The following ZNF415 variants were observed in gnomAD, a reference collection of about 807,000 sequenced individuals.
ZNF415 encodes zinc finger protein 415.
ZNF415 carries 5 observed loss-of-function variants against 7.3 expected under a neutral mutation model. The ratio of observed to expected loss-of-function variants is 0.69; its 90% CI spans 0.36 to 1.44. The LOEUF (loss-of-function observed/expected upper bound fraction) is 1.44, where lower values mean the gene tolerates loss of function less well. Ranked by LOEUF, ZNF415 falls within the 40% of genes most tolerant of loss-of-function variation. The pLI is 0.04. For missense variants in ZNF415, 628 were observed against 664.8 expected, an observed-to-expected ratio of 0.94 and a Z score of 0.61; for synonymous variants, 207 against 226.3, an observed-to-expected ratio of 0.91 and a Z score of 0.77.
rs1341369443 is a variant in ZNF415 at position 53,116,363 on chromosome 19, G to C, written c.86C>G (p.Thr29Ser). Residue 29 changes from threonine to serine, a missense_variant, in exon 3 of 4, where the codon ACT becomes AGT. Transcript: ENST00000243643. ...CTCCAACATCACATCCCTGTATAAA[G>C]TCCTCTGTGTAGAGTTCAGGCATTT... ...EWKCLNSTQR[T>S]LYRDVMLENY... The C allele has an allele frequency of 6.2e-7, 1 of 1,613,668 alleles. No homozygotes were observed. The highest frequency in any genetic ancestry group is 1.6e-4 in the Middle Eastern group (1 of 6,062).
Position 53,122,756 on chromosome 19 carries a change from A to C in ZNF415, c.-67-13T>G. The C allele has an allele frequency of 6.3e-7, 1 of 1,592,630 alleles. No homozygotes were observed. Among genetic ancestry groups the C allele is most frequent in the Non-Finnish European group, 8.6e-7 (1 of 1,161,598 alleles). On this transcript the variant is annotated splice_polypyrimidine_tract_variant and intron_variant, in intron 1 of 3. Coordinates refer to ENST00000243643, the MANE Select transcript of ZNF415 (RefSeq NM_018355.4). ...TTGGAAGTCAATGCTGAATAACAAC[A>C]ACAAGTGCTGTTTATTGCTTAGAAA... is the stretch of plus-strand genomic sequence containing the variant.
Position 53,109,928 on chromosome 19 carries a change from T to C in ZNF415, c.137-20A>G, listed in dbSNP as rs1207274500. 1 of 1,527,614 alleles carries C rather than the reference T, an allele frequency of 6.5e-7. No homozygotes were observed. The highest frequency in any genetic ancestry group is 8.8e-7 in the Non-Finnish European group (1 of 1,141,442). 94.6% of individuals were successfully genotyped at this position (1,527,614 alleles called of 1,614,324 possible). On this transcript the variant is annotated intron_variant, in intron 3 of 3. Coordinates refer to ENST00000243643, the MANE Select transcript of ZNF415 (RefSeq NM_018355.4). ...ACAGATCTATAAGAAATGAAAACCA[T>C]AGGTTTCCAATTAATTAGAGACAGT...
Position 53,122,749 on chromosome 19 carries a change from TAAC to T in ZNF415, c.-67-9_-67-7del, listed in dbSNP as rs539864313. 1.6e-4 allele frequency: 264 copies of T among 1,602,780 alleles called. No individual in the cohort carries two copies. In the East Asian group the frequency reaches 3.3e-3, roughly 20 times the overall value. On this transcript the variant is annotated splice_region_variant and splice_polypyrimidine_tract_variant and intron_variant, in intron 1 of 3. Coordinates refer to ENST00000243643, the MANE Select transcript of ZNF415 (RefSeq NM_018355.4). Reference sequence around the variant, plus strand: ...GGAGTCTTTGGAAGTCAATGCTGAATAACAACAACAAGTGCTGTTTATTGCTTA... The same window carrying T: ...GGAGTCTTTGGAAGTCAATGCTGAATAACAACAAGTGCTGTTTATTGCTTA...
At chr19:53,114,452 G>A (rs1429045294) in intron 3 of ZNF415, among the ~76,000 whole-genome samples, 1 of 152,186 alleles carries the variant, frequency 6.6e-6, no homozygotes, top group Non-Finnish European at 1.5e-5. Flanking sequence ...ACAGGCGTGA[G>A]CCACCGCACC....
intron 2 of ZNF415, among the ~76,000 whole-genome samples, chr19:53,121,586 C>A (rs2088078617): frequency 6.6e-6 from 1 of 151,678 alleles, no homozygotes; most frequent in African/African-American, 2.4e-5. Flanking sequence ...CGCCACCACG[C>A]CTGGCTAATT....
intron 1 of ZNF415, among the ~76,000 whole-genome samples, chr19:53,125,937 A>AAAAAT (rs1232556803): frequency 6.6e-6 from 1 of 152,012 alleles, no homozygotes; most frequent in Admixed American, 6.6e-5. Flanking sequence ...CTCCATCTCA[A>AAAAAT]AAAATAAAAT....
intron 2 of ZNF415, among the ~76,000 whole-genome samples, chr19:53,119,576 T>C (rs146181854): frequency 2.1e-5 from 3 of 140,402 alleles, no homozygotes; most frequent in South Asian, 2.2e-4. Flanking sequence ...AGAGCAGAAC[T>C]AAACAAAATA....
intron 1 of ZNF415, among the ~76,000 whole-genome samples, chr19:53,131,063 CTTTTTTTTTTTTTT>C (rs59835974): frequency 1.4e-4 from 7 of 51,588 alleles, no homozygotes; most frequent in East Asian, 6.1e-4. Flanking sequence ...TTTCTTGCAA[CTTTTTTTTTTTTTT>C]TTTTTTTTTT....
chr19:53,122,105 T>C (rs1467408119), intron 2 of ZNF415, among the ~76,000 whole-genome samples: 1 of 151,684 alleles, frequency 6.6e-6, no homozygotes, highest in Non-Finnish European at 1.5e-5. Flanking sequence ...AATTAGCTGG[T>C]TGTGGTGGTG....
At chr19:53,124,282 G>T (rs575225390) in intron 1 of ZNF415, 2 of 153,026 alleles carry the variant, frequency 1.3e-5, no homozygotes, top group African/African-American at 4.8e-5. Context: ...TCTGCAGGCT[G>T]TACAAAACAC....
intron 1 of ZNF415, among the ~76,000 whole-genome samples, chr19:53,127,857 C>T (rs961660544): frequency 1.5e-5 from 2 of 136,920 alleles, no homozygotes; most frequent in South Asian, 2.3e-4. Flanking sequence ...AGCCTGCCAA[C>T]AGAGCGAGAC....
rs777131360 is a variant in ZNF415, at chr19:53,122,393, G to C, written c.15+269C>G. The stretch of plus-strand genomic sequence containing the variant: ...TGCTGCCCAACAGCACTGACACCAC[G>C]GGACCCTCACCCCGTCTCCATCCAT... On this transcript the variant is annotated intron_variant, in intron 2 of 3. Transcript: ENST00000243643. 1.4e-5 allele frequency: 22 copies of C among 1,536,326 alleles called. No homozygotes were observed. The African/African-American group carries it at 2.7e-4, about 19-fold the overall frequency.
At chr19:53,126,018 C>CAAAAA (rs58522981) in intron 1 of ZNF415, among the ~76,000 whole-genome samples, 1 of 111,338 alleles carries the variant, frequency 9.0e-6, no homozygotes, top group East Asian at 2.3e-4. Flanking sequence ...CTGGTGTAGA[C>CAAAAA]AAAAAAAAAA....
chr19:53,127,939 G>C (rs2089476310), intron 1 of ZNF415, among the ~76,000 whole-genome samples: 1 of 151,394 alleles, frequency 6.6e-6, no homozygotes, highest in South Asian at 2.1e-4. Flanking sequence ...AATCCATGCA[G>C]TCCCATAACC....
chr19:53,125,174 G>C (rs2088835669), intron 1 of ZNF415, among the ~76,000 whole-genome samples: 1 of 151,910 alleles, frequency 6.6e-6, no homozygotes, highest in Non-Finnish European at 1.5e-5. Context: ...CTCCCGAGTA[G>C]CTGGGATTAC....
chr19:53,132,131 CTT>C (rs1476332491), intron 1 of ZNF415, among the ~76,000 whole-genome samples: 1 of 152,194 alleles, frequency 6.6e-6, no homozygotes, highest in Non-Finnish European at 1.5e-5. Flanking sequence ...TTCTTCCACT[CTT>C]ACTGTCTCTG....
Position 53,109,623 on chromosome 19 carries a change from A to T in ZNF415, c.422T>A (p.Leu141Ter), listed in dbSNP as rs764639207. 6.2e-7 allele frequency: 1 copy of T among 1,614,166 alleles called. No homozygotes were observed. The highest frequency in any genetic ancestry group is 1.1e-5 in the South Asian group (1 of 91,080). The change falls in exon 4 of 4, where the codon TTA becomes TAA. Residue 141 changes from leucine to a stop codon, truncating the protein, a stop_gained. Coordinates refer to ENST00000243643, the MANE Select transcript of ZNF415 (RefSeq NM_018355.4). LOFTEE classifies it low-confidence loss of function (END_TRUNC). ...GNKSIKHQLGLSFLPHPHELQ... is the reference protein window; with the variant it reads ...GNKSIKHQLG ...TTCATGGGGATGTGGTAGAAAGCTT[A>T]ATCCAAGCTGATGTTTAATAGACTT...
chr19:53,110,746 T>C (rs554443221), intron 3 of ZNF415, among the ~76,000 whole-genome samples: 1 of 152,182 alleles, frequency 6.6e-6, no homozygotes, highest in Non-Finnish European at 1.5e-5. Context: ...CTGGAATATA[T>C]GTTAAGATCT....
At position 53,109,834 on chromosome 19, in the gene ZNF415, C is replaced by T. The variant is rs1205314551; in HGVS notation, c.211G>A (p.Val71Met). 8.7e-6 allele frequency: 14 copies of T among 1,613,588 alleles called. No individual in the cohort carries two copies. The highest frequency in any genetic ancestry group is 1.3e-5 in the African/African-American group (1 of 74,868). ...EGNPGEVFHT[V>M]TLEQHEKHDI... ...TGTTTTTCATGTTGTTCCAATGTCA[C>T]TGTGTGGAATACTTCTCCTGGGTTA... Residue 71 changes from valine (V) to methionine (M), a missense_variant, in exon 4 of 4, where the codon GTG becomes ATG. Val to Met is a conservative substitution (Grantham distance 21). Coordinates refer to ENST00000243643, the MANE Select transcript of ZNF415 (RefSeq NM_018355.4).
Sources: allele counts gnomAD v4.1 joint callset (sites outside exome capture counted in the v4.1 genomes callset), GRCh38; gene constraint gnomAD v4.1.1; transcripts MANE v1.5; gene names NCBI Gene and HGNC (gene_info 2026-07-23, HGNC 2026-07-21).